Variants in LRRC8A observed in about 807,000 individuals in gnomAD.
LRRC8A encodes the protein volume-regulated anion channel subunit LRRC8A.
Under a neutral mutation model 52.5 loss-of-function variants are expected in LRRC8A, and 24 were observed. The ratio of observed to expected loss-of-function variants is 0.46; its 90% CI spans 0.33 to 0.64. The LOEUF is 0.64. Ranked by LOEUF, LRRC8A falls within the 30% of genes least tolerant of loss-of-function variation. The probability of loss-of-function intolerance (pLI) is 0.02; values close to 1 mark genes in which losing one functional copy is unlikely to be tolerated. For synonymous variants in LRRC8A, 492 were observed against 494.2 expected, an observed-to-expected ratio of 1.00 and a Z score of 0.06; for missense variants, 677 against 1,094.7, an observed-to-expected ratio of 0.62 and a Z score of 5.38.
rs1003598471 is a variant in LRRC8A at position 128,911,426 on chromosome 9, G to T, written c.2157+2105G>T. Reference sequence around the variant, plus strand: ...CTGAATAGGAAAACTGGAGTCCCCTGGGGAGAAGCCACATTTGGGAAGCAC... The same window carrying T: ...CTGAATAGGAAAACTGGAGTCCCCTTGGGAGAAGCCACATTTGGGAAGCAC... On this transcript the variant is annotated intron_variant, in intron 3 of 3. Transcript: ENST00000372600. The surrounding 1 kb of genome is among the most constrained non-coding windows in gnomAD (Gnocchi z 4.9). 4.6e-5 allele frequency among the ~76,000 whole-genome samples: 7 copies of T among 152,218 alleles called. No homozygotes were observed. The highest frequency in any genetic ancestry group is 1.7e-4 in the African/African-American group (7 of 41,450).
At chr9:128,887,274 T>G (rs907185085) in intron 2 of LRRC8A, among the ~76,000 whole-genome samples, 4 of 152,092 alleles carry the variant, frequency 2.6e-5, no homozygotes, top group African/African-American at 4.8e-5. Context: ...TCCTCCTGCC[T>G]CAGCCTCCCA....
Position 128,899,317 on chromosome 9 carries a change from C to T in LRRC8A, c.-8-7840C>T, listed in dbSNP as rs1839939850. ...GCAGAGATAGCCCAGCCACCCCCACCCCACGCCTCAAAGGCTCCCTTCCCT... is the reference window on the plus strand; with the variant it reads ...GCAGAGATAGCCCAGCCACCCCCACTCCACGCCTCAAAGGCTCCCTTCCCT... On this transcript the variant is annotated intron_variant, in intron 2 of 3. Transcript: ENST00000372600. The surrounding 1 kb of genome is among the most constrained non-coding windows in gnomAD (Gnocchi z 4.0). Among the ~76,000 whole-genome samples, 1 of 152,032 alleles carries T rather than the reference C, an allele frequency of 6.6e-6. No individual in the cohort carries two copies.
chr9:128,909,365 C>A, intron 3 of LRRC8A, 44 bp downstream of exon 3: 1 of 1,581,880 alleles, frequency 6.3e-7, no homozygotes, highest in South Asian at 1.1e-5. Flanking sequence ...TGGCGGGTGG[C>A]CTGGCCAGGG....
At position 128,907,405 on chromosome 9, in the gene LRRC8A, T is replaced by C. The variant is rs746604201; in HGVS notation, c.241T>C (p.Tyr81His). 2.5e-6 allele frequency: 4 copies of C among 1,613,366 alleles called. 1 individual carries two copies. In the South Asian group the frequency reaches 4.4e-5, roughly 18 times the overall value. ...GGCAGCCCCTGGCCCGGAGCCCACC[T>C]ACCCCAACTCCACCATTCTGCCGAC... The part of the protein sequence containing the change: ...GWAAPGPEPT[Y>H]PNSTILPTPD... Residue 81 changes from tyrosine (Y) to histidine (H), a missense_variant, in exon 3 of 4, where the codon TAC (tyrosine) becomes CAC (histidine). Tyr to His is a moderately conservative substitution (Grantham distance 83). Coordinates refer to ENST00000372600, the MANE Select transcript of LRRC8A (RefSeq NM_019594.4). The surrounding 1 kb of genome is among the most constrained non-coding windows in gnomAD (Gnocchi z 9.3).
At position 128,890,326 on chromosome 9, in the gene LRRC8A, A is replaced by G. The variant is rs74696575; in HGVS notation, c.-9+4205A>G. 7.2e-5 allele frequency among the ~76,000 whole-genome samples: 11 copies of G among 151,998 alleles called. No homozygotes were observed. The East Asian group carries it at 1.9e-3, about 27-fold the overall frequency. On this transcript the variant is annotated intron_variant, in intron 2 of 3. Coordinates refer to ENST00000372600, the MANE Select transcript of LRRC8A (RefSeq NM_019594.4). The stretch of plus-strand genomic sequence containing the variant: ...TTGCAGCAAGTTTGTCTACATCTAA[A>G]CGTCTCTTGAGGGCTTAAAACCTCA...
intron 2 of LRRC8A, among the ~76,000 whole-genome samples, chr9:128,904,078 T>G (rs1488299677): frequency 6.6e-6 from 1 of 151,778 alleles, no homozygotes; most frequent in East Asian, 1.9e-4. Context: ...ACATTATCAG[T>G]AATCAAAGAA....
In LRRC8A at chr9:128,908,044, G is replaced by T. The variant is rs147274949; in HGVS notation, c.880G>T (p.Asp294Tyr). Residue 294 changes from aspartate to tyrosine, a missense_variant, in exon 3 of 4, where the codon GAC (aspartate) becomes TAC (tyrosine). By Grantham distance (160) the Asp-to-Tyr change is radical. This residue lies in a region of LRRC8A where 422 missense variants were observed against 741.5 expected (regional missense o/e 0.57). Transcript: ENST00000372600. ...YYVHNIKFDV[D>Y]CTVDIESLTG... ...CGTGCACAACATCAAGTTCGACGTG[G>T]ACTGCACCGTGGACATTGAGAGCCT... The T allele has an allele frequency of 7.4e-6, 12 of 1,613,950 alleles. No individual in the cohort carries two copies. The African/African-American group carries it at 1.6e-4, about 22-fold the overall frequency.
chr9:128,914,614 T>C (rs1840723823), intron 3 of LRRC8A, among the ~76,000 whole-genome samples: 2 of 152,128 alleles, frequency 1.3e-5, no homozygotes, highest in Admixed American at 6.5e-5. Flanking sequence ...GGCCTCAGTC[T>C]CCTTGGCAGG....
Position 128,906,835 on chromosome 9 carries a change from C to G in LRRC8A, c.-8-322C>G, listed in dbSNP as rs139010008. 6.1e-3 allele frequency among the ~76,000 whole-genome samples: 924 copies of G among 152,296 alleles called. 7 individuals carry two copies. Among genetic ancestry groups the G allele is most frequent in the Middle Eastern group, 0.027 (8 of 294 alleles). ...AGAAAGGAGTTCCCGATTGCTCTTACTGGAATGCAAGGGATGGAGCAGAGA... is the reference window on the plus strand; with the variant it reads ...AGAAAGGAGTTCCCGATTGCTCTTAGTGGAATGCAAGGGATGGAGCAGAGA... On this transcript the variant is annotated intron_variant, in intron 2 of 3. Transcript: ENST00000372600.
intron 2 of LRRC8A, among the ~76,000 whole-genome samples, chr9:128,895,833 A>C (rs1839803078): frequency 6.6e-6 from 1 of 152,166 alleles, no homozygotes; most frequent in South Asian, 2.1e-4. Flanking sequence ...TGGGGAGAGC[A>C]CTGGCTATGC....
chr9:128,885,566 T>G (rs367693892), intron 1 of LRRC8A, among the ~76,000 whole-genome samples: 4 of 152,148 alleles, frequency 2.6e-5, no homozygotes, highest in Admixed American at 6.5e-5. Flanking sequence ...GCTACTGACT[T>G]GGCACCTCCT....
At position 128,902,451 on chromosome 9, in the gene LRRC8A, G is replaced by A. The variant is rs139769524; in HGVS notation, c.-8-4706G>A. On this transcript the variant is annotated intron_variant, in intron 2 of 3. Coordinates refer to ENST00000372600, the MANE Select transcript of LRRC8A (RefSeq NM_019594.4). The surrounding 1 kb of genome is among the most constrained non-coding windows in gnomAD (Gnocchi z 4.1). ...AGCCCCAGGTCGGCGGGGCTGGGGC[G>A]GCTCCTCGCAGAGGAAGCAGGTGTT... Among the ~76,000 whole-genome samples, 332 of 152,290 alleles carry A rather than the reference G, an allele frequency of 2.2e-3. No homozygotes were observed. Among genetic ancestry groups the A allele is most frequent in the African/African-American group, 7.7e-3 (319 of 41,574 alleles).
At chr9:128,904,346 C>T (rs1386745735) in intron 2 of LRRC8A, among the ~76,000 whole-genome samples, 1 of 152,032 alleles carries the variant, frequency 6.6e-6, no homozygotes, top group African/African-American at 2.4e-5. Context: ...TGGCGAAATT[C>T]CGTTTCTACT....
Position 128,901,634 on chromosome 9 carries a change from C to T in LRRC8A, c.-8-5523C>T, listed in dbSNP as rs547744854. Among the ~76,000 whole-genome samples, 25 of 152,290 alleles carry T rather than the reference C, an allele frequency of 1.6e-4. No homozygotes were observed. In the South Asian group the frequency reaches 5.2e-3, roughly 32 times the overall value. On this transcript the variant is annotated intron_variant, in intron 2 of 3. Coordinates refer to ENST00000372600, the MANE Select transcript of LRRC8A (RefSeq NM_019594.4). Reference sequence around the variant, plus strand: ...ATTCCATGGCCTCCTCCCAGCAGCCCTGCGTGGTATCATGCCCACCATGTA... The same window carrying T: ...ATTCCATGGCCTCCTCCCAGCAGCCTTGCGTGGTATCATGCCCACCATGTA...
At chr9:128,903,997 C>T (rs1054018651) in intron 2 of LRRC8A, among the ~76,000 whole-genome samples, 7 of 151,912 alleles carry the variant, frequency 4.6e-5, no homozygotes, top group Admixed American at 4.6e-4. Flanking sequence ...CACTGCACCC[C>T]AGCCTGGGTG....
Position 128,907,769 on chromosome 9 carries a change from G to T in LRRC8A, c.605G>T (p.Ser202Ile). The change falls in exon 3 of 4, where the codon AGT becomes ATT. Residue 202 changes from serine to isoleucine, a missense_variant. Around this residue, in one of 4 missense-constraint regions of LRRC8A, gnomAD observed 422 missense variants for 741.5 expected, o/e 0.57. Transcript: ENST00000372600. The surrounding 1 kb of genome is among the most constrained non-coding windows in gnomAD (Gnocchi z 9.3). The part of the protein sequence containing the change: ...GSMDKKSSTV[S>I]EDVEATVPML... ...ATGGACAAAAAGTCATCGACCGTCA[G>T]TGAGGACGTGGAGGCCACCGTGCCC... The T allele has an allele frequency of 6.2e-7, 1 of 1,613,968 alleles. No individual in the cohort carries two copies. The highest frequency in any genetic ancestry group is 2.2e-5 in the East Asian group (1 of 44,876).
At position 128,892,822 on chromosome 9, in the gene LRRC8A, G is replaced by T. The variant is rs1348128760; in HGVS notation, c.-9+6701G>T. 6.6e-6 allele frequency among the ~76,000 whole-genome samples: 1 copy of T among 152,192 alleles called. No homozygotes were observed. The highest frequency in any genetic ancestry group is 1.5e-5 in the Non-Finnish European group (1 of 68,030). On this transcript the variant is annotated intron_variant, in intron 2 of 3. Coordinates refer to ENST00000372600, the MANE Select transcript of LRRC8A (RefSeq NM_019594.4). The surrounding 1 kb of genome is among the most constrained non-coding windows in gnomAD (Gnocchi z 5.2). ...TCCCTGGGAGAGCACTGGAGGGCCAGCCTTCCCATCTCTGGTACAGGAGGG... is the reference window on the plus strand; with the variant it reads ...TCCCTGGGAGAGCACTGGAGGGCCATCCTTCCCATCTCTGGTACAGGAGGG...
chr9:128,910,282 G>A (rs967708923), intron 3 of LRRC8A, among the ~76,000 whole-genome samples: 2 of 152,234 alleles, frequency 1.3e-5, no homozygotes, highest in African/African-American at 2.4e-5. Context: ...GCCAGGCGCT[G>A]GGAGACAAGG....
At chr9:128,886,513 T>C in intron 2 of LRRC8A, among the ~76,000 whole-genome samples, 1 of 152,218 alleles carries the variant, frequency 6.6e-6, no homozygotes, top group Non-Finnish European at 1.5e-5. Context: ...CAAAGACTTC[T>C]TGTTATCCTT....
Sources: gnomAD v4.1 joint callset for allele counts (sites outside exome capture counted in the v4.1 genomes callset) on GRCh38, gnomAD v4.1.1 for gene constraint, gnomAD v4.1.1 regional missense constraint, Gnocchi (gnomAD v3.1) non-coding constraint, MANE v1.5 for transcripts, NCBI Gene and HGNC (gene_info 2026-07-23, HGNC 2026-07-21) for gene names.